The following R3HDM2 variants were observed in gnomAD, a reference collection of about 807,000 sequenced individuals.
R3HDM2 encodes the protein R3H domain containing 2.
R3HDM2 carries 38 observed loss-of-function variants against 124.5 expected under a neutral mutation model. That is an observed-to-expected ratio of 0.31 (90% CI 0.24 to 0.40). The LOEUF is 0.40. Among genes scored for constraint, R3HDM2 ranks in the 10% least tolerant of loss-of-function variants. The pLI, the probability that R3HDM2 is intolerant of heterozygous loss-of-function variation, is 1.00. For missense variants in R3HDM2, 869 were observed against 1,236.9 expected, an observed-to-expected ratio of 0.70 and a Z score of 4.46; for synonymous variants, 391 against 448.0, an observed-to-expected ratio of 0.87 and a Z score of 1.61.
At chr12:57,336,064 C>T (rs1362641685) in intron 2 of R3HDM2, among the ~76,000 whole-genome samples, 1 of 151,418 alleles carries the variant, frequency 6.6e-6, no homozygotes, top group Non-Finnish European at 1.5e-5. Flanking sequence ...ACCATAGTAT[C>T]TAATGGTATC....
intron 2 of R3HDM2, among the ~76,000 whole-genome samples, chr12:57,323,997 C>T (rs574288189): frequency 1.1e-4 from 17 of 152,006 alleles, no homozygotes; most frequent in Non-Finnish European, 1.9e-4. Flanking sequence ...CACCCCTTTG[C>T]GAAACTGTTT....
intron 10 of R3HDM2, among the ~76,000 whole-genome samples, chr12:57,293,150 C>T (rs2048996469): frequency 6.6e-6 from 1 of 152,138 alleles, no homozygotes; most frequent in Non-Finnish European, 1.5e-5. Flanking sequence ...GTCACTAATG[C>T]CATGGCCTGA....
chr12:57,294,804 G>A (rs2049405604), intron 10 of R3HDM2, among the ~76,000 whole-genome samples: 1 of 152,200 alleles, frequency 6.6e-6, no homozygotes, highest in Non-Finnish European at 1.5e-5. Context: ...TATTCCCACA[G>A]CAGTGGATCA....
At chr12:57,390,219 A>G (rs1368579639) in intron 2 of R3HDM2, among the ~76,000 whole-genome samples, 2 of 152,008 alleles carry the variant, frequency 1.3e-5, no homozygotes, top group Non-Finnish European at 2.9e-5. Context: ...ATATGAAACA[A>G]TAGTTTTTAA....
At chr12:57,407,230 A>G (rs2068604935) in intron 1 of R3HDM2, among the ~76,000 whole-genome samples, 1 of 150,746 alleles carries the variant, frequency 6.6e-6, no homozygotes, top group Non-Finnish European at 1.5e-5. Flanking sequence ...AGCCTGGGCA[A>G]CAGAGCAAGA....
intron 18 of R3HDM2, among the ~76,000 whole-genome samples, chr12:57,267,079 A>G (rs1200625496): frequency 6.6e-6 from 1 of 152,226 alleles, no homozygotes; most frequent in African/African-American, 2.4e-5. Flanking sequence ...TTAGTGACAC[A>G]TGCTCTTCCC....
rs1273999841 is a variant in R3HDM2 at position 57,306,397 on chromosome 12, G to A, written c.166-3180C>T. 1.5e-4 allele frequency among the ~76,000 whole-genome samples: 19 copies of A among 126,140 alleles called. No individual in the cohort carries two copies. In the Admixed American group the frequency reaches 1.7e-3, roughly 11 times the overall value. 82.8% of individuals were successfully genotyped at this position (126,140 alleles called of 152,430 possible). ...TAAAGGCAGAAAGCCCAACTAAGAGGTCTTACCAAGTTGGCTATTTTTTTT... is the reference window on the plus strand; with the variant it reads ...TAAAGGCAGAAAGCCCAACTAAGAGATCTTACCAAGTTGGCTATTTTTTTT... On this transcript the variant is annotated intron_variant, in intron 3 of 23. Coordinates refer to ENST00000402412, the MANE Select transcript of R3HDM2 (RefSeq NM_001394031.1).
At chr12:57,391,138 A>T (rs927570881) in intron 2 of R3HDM2, among the ~76,000 whole-genome samples, 1 of 152,226 alleles carries the variant, frequency 6.6e-6, no homozygotes, top group Non-Finnish European at 1.5e-5. Flanking sequence ...CTGGACATGA[A>T]TATTCATAGT....
At chr12:57,345,072 G>T (rs1160619646) in intron 2 of R3HDM2, among the ~76,000 whole-genome samples, 1 of 152,050 alleles carries the variant, frequency 6.6e-6, no homozygotes, top group African/African-American at 2.4e-5. Flanking sequence ...GACCTCGGGT[G>T]ATCTGCCTGC....
rs1179095048 is a variant in R3HDM2, at chr12:57,337,441, G to C, written c.-35-26978C>G. ...GCTGGGATTGCAGGTATGAGCCACC[G>C]TGCCCAGCCCAAATTTCCCAAGAAT... is the stretch of plus-strand genomic sequence containing the variant. On this transcript the variant is annotated intron_variant, in intron 2 of 23. Transcript: ENST00000402412. 3.9e-5 allele frequency among the ~76,000 whole-genome samples: 6 copies of C among 151,960 alleles called. No homozygotes were observed. In the South Asian group the frequency reaches 1.2e-3, roughly 32 times the overall value.
At chr12:57,276,664 G>A (rs1032785098) in intron 14 of R3HDM2, among the ~76,000 whole-genome samples, 1 of 152,202 alleles carries the variant, frequency 6.6e-6, no homozygotes, top group South Asian at 2.1e-4. Flanking sequence ...AAGGTGGGCG[G>A]ATCATGAGGT....
At chr12:57,395,984 T>C (rs912042728) in intron 1 of R3HDM2, among the ~76,000 whole-genome samples, 166 bp from the exon 2 acceptor site, 2 of 152,140 alleles carry the variant, frequency 1.3e-5, no homozygotes, top group East Asian at 3.8e-4. Context: ...ACCCTCTATA[T>C]CCATTCCCAC....
chr12:57,316,467 G>A (rs1410206210), intron 2 of R3HDM2, among the ~76,000 whole-genome samples: 1 of 151,926 alleles, frequency 6.6e-6, no homozygotes, highest in Admixed American at 6.6e-5. Context: ...GCCTCTGGAA[G>A]AAACAGGTAT....
intron 14 of R3HDM2, among the ~76,000 whole-genome samples, chr12:57,275,741 A>G (rs1243469564): frequency 6.6e-6 from 1 of 152,246 alleles, no homozygotes; most frequent in East Asian, 1.9e-4. Flanking sequence ...ACTAATGATC[A>G]GGGAAATCCA....
intron 2 of R3HDM2, among the ~76,000 whole-genome samples, chr12:57,332,410 C>CAAAAAAAA (rs10653446): frequency 1.6e-5 from 1 of 60,690 alleles, no homozygotes; most frequent in African/African-American, 7.7e-5. Flanking sequence ...GACCCTGTCT[C>CAAAAAAAA]AAAAAAAAAA....
intron 2 of R3HDM2, among the ~76,000 whole-genome samples, chr12:57,377,665 C>G (rs2064272390): frequency 6.6e-6 from 1 of 152,144 alleles, no homozygotes; most frequent in Admixed American, 6.5e-5. Context: ...GTGCATTGGG[C>G]AGCAAGCCCC....
chr12:57,426,096 C>T (rs2070717069), intron 1 of R3HDM2, among the ~76,000 whole-genome samples: 1 of 152,054 alleles, frequency 6.6e-6, no homozygotes, highest in Non-Finnish European at 1.5e-5. Flanking sequence ...GGCGTGGTAG[C>T]CGATGCCTGT....
At chr12:57,298,007 G>GA (rs2050259704) in intron 7 of R3HDM2, 83 bp downstream of exon 7, 1 of 960,806 alleles carries the variant, frequency 1.0e-6, no homozygotes. Context: ...TCTAAGAATG[G>GA]AAAAATTCTG....
At chr12:57,391,697 A>G (rs2066702600) in intron 2 of R3HDM2, among the ~76,000 whole-genome samples, 1 of 152,270 alleles carries the variant, frequency 6.6e-6, no homozygotes, top group African/African-American at 2.4e-5. Flanking sequence ...ACACTGAGTA[A>G]AAGGACATCA....
Sources: allele counts gnomAD v4.1 joint callset (sites outside exome capture counted in the v4.1 genomes callset), GRCh38; gene constraint gnomAD v4.1.1; transcripts MANE v1.5; gene names NCBI Gene and HGNC (gene_info 2026-07-23, HGNC 2026-07-21).